MSH3: variants seen among roughly 807,000 people sequenced by gnomAD.
MSH3 encodes the protein DNA mismatch repair protein Msh3.
A neutral mutation model predicts 123.3 loss-of-function variants in MSH3; 106 were observed. The observed-to-expected ratio is 0.86, with a 90% confidence interval of 0.73 to 1.01. The LOEUF is 1.01. Among genes scored for constraint, MSH3 ranks in the 50% least tolerant of loss-of-function variants. The pLI, the probability that MSH3 is intolerant of heterozygous loss-of-function variation, is 0.00. For synonymous variants in MSH3, 515 were observed against 481.4 expected (o/e 1.07, Z -0.91); for missense variants, 1,459 against 1,347.6 (o/e 1.08, Z -1.29).
chr5:80,691,259 G>C (rs1276127156), intron 8 of MSH3, among the ~76,000 whole-genome samples: 2 of 151,762 alleles, frequency 1.3e-5, no homozygotes, highest in East Asian at 1.9e-4. Flanking sequence ...TTAAATATAA[G>C]ATCAGTTTAT....
rs140482678 is a variant in MSH3 at position 80,872,410 on chromosome 5, A to C, written c.3131-706A>C. On this transcript the variant is annotated intron_variant, in intron 22 of 23. Transcript: ENST00000265081. ...TTGAACCTGGAAGATTGAGACTGCC[A>C]GTGAGCTGAGATTGCGCCACTGCAC... Among the ~76,000 whole-genome samples the C allele has an allele frequency of 2.2e-3, 328 of 152,312 alleles. 1 individual carries two copies. Among genetic ancestry groups the C allele is most frequent in the Non-Finnish European group, 3.4e-3 (233 of 68,016 alleles).
At chr5:80,735,245 A>T (rs1455411524) in intron 10 of MSH3, among the ~76,000 whole-genome samples, 3 of 151,984 alleles carry the variant, frequency 2.0e-5, no homozygotes, top group Non-Finnish European at 4.4e-5. Context: ...TTAGCCGGGC[A>T]TGGTGGCAGG....
intron 20 of MSH3, among the ~76,000 whole-genome samples, chr5:80,818,400 G>GAAAAAAAAAA (rs1173920485): frequency 1.6e-4 from 1 of 6,262 alleles, no homozygotes; most frequent in Non-Finnish European, 3.1e-4. Context: ...AAATAGCAAT[G>GAAAAAAAAAA]ACAAAAAAAA....
chr5:80,866,793 TG>T (rs764717501), intron 22 of MSH3, among the ~76,000 whole-genome samples: 28 of 152,254 alleles, frequency 1.8e-4, no homozygotes, highest in Admixed American at 8.5e-4. Flanking sequence ...GAGCCAAGTT[TG>T]GAGACAAGTA....
intron 20 of MSH3, among the ~76,000 whole-genome samples, chr5:80,839,960 T>A (rs1021757993): frequency 4.6e-5 from 7 of 152,148 alleles, no homozygotes; most frequent in African/African-American, 1.7e-4. Flanking sequence ...AACATTATAT[T>A]CATATAAAAT....
chr5:80,810,626 C>A (rs1164932939), intron 19 of MSH3, among the ~76,000 whole-genome samples: 1 of 152,166 alleles, frequency 6.6e-6, no homozygotes, highest in Non-Finnish European at 1.5e-5. Context: ...CAATCTGTTT[C>A]TGTGCTTTCC....
chr5:80,852,198 CGCCAGTGGTCCCAGATATT>C (rs1561499298), intron 20 of MSH3, among the ~76,000 whole-genome samples: 1 of 152,078 alleles, frequency 6.6e-6, no homozygotes, highest in African/African-American at 2.4e-5. Flanking sequence ...TGGTGGCATG[CGCCAGTGGTCCCAGATATT>C]CAGGAGTCTG....
chr5:80,712,783 T>C (rs1750884984), intron 8 of MSH3, among the ~76,000 whole-genome samples: 1 of 151,988 alleles, frequency 6.6e-6, no homozygotes, highest in South Asian at 2.1e-4. Flanking sequence ...TTTTTGTTGG[T>C]TTTGTCCTGG....
intron 19 of MSH3, among the ~76,000 whole-genome samples, chr5:80,812,687 T>C (rs1297900913): frequency 6.6e-6 from 1 of 150,690 alleles, no homozygotes; most frequent in African/African-American, 2.4e-5. Flanking sequence ...ATTCAAGTGA[T>C]TCTCATGTCT....
rs761005861 is a variant in MSH3 at position 80,675,096 on chromosome 5, A to C, written c.1141A>C (p.Lys381Gln). 1.1e-5 allele frequency: 18 copies of C among 1,610,704 alleles called. No individual in the cohort carries two copies. The highest frequency in any genetic ancestry group is 1.7e-5 in the Admixed American group (1 of 59,906). The change falls in exon 7 of 24, where the codon AAA becomes CAA. Residue 381 changes from lysine (K) to glutamine (Q), a missense_variant. Lys to Gln is a moderately conservative substitution (Grantham distance 53). Transcript: ENST00000265081. ...ISENKENVRD[K>Q]KKGNIFIGIV... is the part of the protein sequence containing the mutation. The stretch of plus-strand genomic sequence containing the variant: ...TGAAAATAAGGAAAATGTTAGGGAC[A>C]AAAAAAAGGGCAACATTTTTATTGG...
intron 2 of MSH3, among the ~76,000 whole-genome samples, chr5:80,657,663 G>A (rs1749322431): frequency 6.8e-6 from 1 of 146,326 alleles, no homozygotes; most frequent in East Asian, 1.9e-4. Flanking sequence ...AAAAAAAAAA[G>A]TTCCAATTCA....
chr5:80,710,193 T>A (rs577313361), intron 8 of MSH3, among the ~76,000 whole-genome samples: 2 of 152,228 alleles, frequency 1.3e-5, no homozygotes, highest in African/African-American at 4.8e-5. Flanking sequence ...TTATTACGGG[T>A]TTTATAGATG....
intron 14 of MSH3, 138 bp from the exon 15 acceptor site, chr5:80,768,697 C>T (rs1744165893): frequency 1.4e-6 from 1 of 708,576 alleles, no homozygotes; most frequent in Admixed American, 2.7e-5. Flanking sequence ...AAAACAAATC[C>T]ATAAGTGCTT....
Position 80,813,416 on chromosome 5 carries a change from T to C in MSH3, c.2656-168T>C, listed in dbSNP as rs533991446. Among the ~76,000 whole-genome samples, 4 of 152,384 alleles carry C rather than the reference T, an allele frequency of 2.6e-5. No individual in the cohort carries two copies. The South Asian group carries it at 8.3e-4, about 32-fold the overall frequency. On this transcript the variant is annotated intron_variant, in intron 19 of 23. Coordinates refer to ENST00000265081, the MANE Select transcript of MSH3 (RefSeq NM_002439.5). ...GTGTGTACTGCTAAGAATTCACTTT[T>C]CTGCAGTATCACACAGTTCAGGTTG...
chr5:80,654,683 G>A lies in MSH3; in HGVS notation c.-45G>A, dbSNP rs747582626. 1 of 1,546,006 alleles carries A rather than the reference G, an allele frequency of 6.5e-7. No homozygotes were observed. Among genetic ancestry groups the A allele is most frequent in the Admixed American group, 1.8e-5 (1 of 55,314 alleles). On this transcript the variant is annotated 5_prime_UTR_variant, in exon 1 of 24. Coordinates refer to ENST00000265081, the MANE Select transcript of MSH3 (RefSeq NM_002439.5). ...CTGGGAACTGCGGCCGCGGGCTCGC[G>A]CTCCTCGCCAGGCCCTGCCGCCGGG... is the stretch of plus-strand genomic sequence containing the variant.
chr5:80,813,953 G>A, intron 20 of MSH3, among the ~76,000 whole-genome samples: 1 of 151,996 alleles, frequency 6.6e-6, no homozygotes, highest in East Asian at 1.9e-4. Flanking sequence ...TTGAGTCTAG[G>A]AGTTTGAGAG....
At chr5:80,750,938 G>C (rs774872570) in intron 12 of MSH3, among the ~76,000 whole-genome samples, 6 of 152,066 alleles carry the variant, frequency 3.9e-5, no homozygotes, top group Admixed American at 3.9e-4. Flanking sequence ...TCTTCGGAGA[G>C]GTTTTATTTG....
intron 20 of MSH3, among the ~76,000 whole-genome samples, chr5:80,831,978 G>T (rs1480912223): frequency 2.7e-5 from 3 of 111,914 alleles, no homozygotes; most frequent in Non-Finnish European, 5.8e-5. Flanking sequence ...GTGTGGTGGC[G>T]GGGCGCCTAT....
At chr5:80,703,687 TAAC>T (rs1035194470) in intron 8 of MSH3, among the ~76,000 whole-genome samples, 18 of 152,262 alleles carry the variant, frequency 1.2e-4, no homozygotes, top group African/African-American at 4.3e-4. Context: ...TTTCCTTCTG[TAAC>T]AACAGTGCAC....
Sources: allele counts gnomAD v4.1 joint callset (sites outside exome capture counted in the v4.1 genomes callset), GRCh38; gene constraint gnomAD v4.1.1; transcripts MANE v1.5; gene names NCBI Gene and HGNC (gene_info 2026-07-23, HGNC 2026-07-21).